Variants in THSD4 observed in about 807,000 individuals in gnomAD.
THSD4 encodes the protein thrombospondin type 1 domain containing 4.
Under a neutral mutation model 119.0 loss-of-function variants are expected in THSD4, and 69 were observed. That is an observed-to-expected ratio of 0.58 (90% CI 0.48 to 0.71). The LOEUF (loss-of-function observed/expected upper bound fraction) is 0.71. Among genes scored for constraint, THSD4 ranks in the 30% least tolerant of loss-of-function variants. The pLI, the probability that THSD4 is intolerant of heterozygous loss-of-function variation, is 0.00. For missense variants in THSD4, 1,393 were observed against 1,391.1 expected (o/e 1.00, Z -0.02); for synonymous variants, 524 against 540.4 (o/e 0.97, Z 0.42).
At chr15:71,646,681 A>G (rs1180973475) in intron 7 of THSD4, among the ~76,000 whole-genome samples, 1 of 152,224 alleles carries the variant, frequency 6.6e-6, no homozygotes, top group Non-Finnish European at 1.5e-5. Flanking sequence ...TAGGAGATAT[A>G]ATTAATAAAT....
chr15:71,375,070 C>G (rs2046112886), intron 6 of THSD4, among the ~76,000 whole-genome samples: 2 of 152,210 alleles, frequency 1.3e-5, no homozygotes, highest in African/African-American at 4.8e-5. Flanking sequence ...TTCCCCATTT[C>G]CCCCACTTCC....
chr15:71,201,437 A>G (rs1485816561), intron 3 of THSD4, among the ~76,000 whole-genome samples: 3 of 152,242 alleles, frequency 2.0e-5, no homozygotes, highest in Non-Finnish European at 4.4e-5. Flanking sequence ...TCAGACAGCT[A>G]GAAAATCCAA....
chr15:71,532,125 A>G (rs2048617800), intron 7 of THSD4, among the ~76,000 whole-genome samples: 1 of 152,190 alleles, frequency 6.6e-6, no homozygotes, highest in East Asian at 1.9e-4. Context: ...ATGAGCAGAC[A>G]TGCAACGGTG....
rs116766666 is a variant in THSD4, at chr15:71,558,645, A to G, written c.1153-101885A>G. Among the ~76,000 whole-genome samples, 827 of 152,056 alleles carry G rather than the reference A, an allele frequency of 5.4e-3. 13 individuals are homozygous for G. The highest frequency in any genetic ancestry group is 0.019 in the African/African-American group (782 of 41,488). ...CACCACATCTGGCTAATTTTTTAAA[A>G]TTTTTTGTAGAGATGGGGTCTTTCT... On this transcript the variant is annotated intron_variant, in intron 7 of 17. Coordinates refer to ENST00000261862, the MANE Select transcript of THSD4 (RefSeq NM_024817.3).
At chr15:71,152,851 G>A (rs2040737835) in intron 2 of THSD4, among the ~76,000 whole-genome samples, 1 of 152,022 alleles carries the variant, frequency 6.6e-6, no homozygotes, top group African/African-American at 2.4e-5. Context: ...ATCCACCTCC[G>A]CACCCCCAGC....
At chr15:71,292,672 A>G (rs939858165) in intron 6 of THSD4, among the ~76,000 whole-genome samples, 2 of 146,922 alleles carry the variant, frequency 1.4e-5, no homozygotes, top group Non-Finnish European at 3.0e-5. Context: ...AGAATATAAC[A>G]GGATTTTTTT....
At chr15:71,125,384 C>T (rs1455834282) in intron 1 of THSD4, among the ~76,000 whole-genome samples, 1 of 152,224 alleles carries the variant, frequency 6.6e-6, no homozygotes, top group Non-Finnish European at 1.5e-5. Context: ...TTTGCTCCCT[C>T]TTTTCCCTTT....
intron 6 of THSD4, among the ~76,000 whole-genome samples, chr15:71,285,252 A>T (rs947804000): frequency 2.0e-5 from 3 of 152,242 alleles, no homozygotes; most frequent in Non-Finnish European, 4.4e-5. Flanking sequence ...AAAGATCATT[A>T]AATGGACTCA....
At chr15:71,674,292 G>A (rs1202834679) in intron 8 of THSD4, among the ~76,000 whole-genome samples, 1 of 152,170 alleles carries the variant, frequency 6.6e-6, no homozygotes, top group Non-Finnish European at 1.5e-5. Flanking sequence ...GGTCTTTGCA[G>A]AGCTCTTATT....
chr15:71,363,208 C>T (rs1356885124), intron 6 of THSD4, among the ~76,000 whole-genome samples: 2 of 152,142 alleles, frequency 1.3e-5, no homozygotes, highest in Non-Finnish European at 2.9e-5. Flanking sequence ...GTCACAACTA[C>T]CCAACTCTGC....
At chr15:71,406,428 TC>T (rs1469086807) in intron 6 of THSD4, among the ~76,000 whole-genome samples, 9 of 152,214 alleles carry the variant, frequency 5.9e-5, no homozygotes, top group African/African-American at 2.2e-4. Flanking sequence ...TATAGATGTC[TC>T]AGTCTAATTG....
At chr15:71,505,826 A>G (rs2048177928) in intron 7 of THSD4, among the ~76,000 whole-genome samples, 1 of 152,240 alleles carries the variant, frequency 6.6e-6, no homozygotes. Context: ...GCTTAGGCTT[A>G]ATGAAGTCTA....
chr15:71,547,224 C>T, intron 7 of THSD4: 1 of 1,384,250 alleles, frequency 7.2e-7, no homozygotes, highest in Non-Finnish European at 9.3e-7. Flanking sequence ...GATCAGCTTA[C>T]CAGTTTTCTT....
intron 3 of THSD4, among the ~76,000 whole-genome samples, chr15:71,201,375 A>G (rs2043802525): frequency 6.6e-6 from 1 of 152,186 alleles, no homozygotes; most frequent in Non-Finnish European, 1.5e-5. Context: ...AAATGACTTT[A>G]TGAATGTACT....
At chr15:71,341,452 A>G (rs2045574224) in intron 6 of THSD4, 1 of 1,612,652 alleles carries the variant, frequency 6.2e-7, no homozygotes, top group Admixed American at 1.7e-5. Flanking sequence ...AGAATTCAGC[A>G]CTCTTTTTGG....
chr15:71,490,044 C>T (rs1259294600), intron 7 of THSD4, among the ~76,000 whole-genome samples: 10 of 152,042 alleles, frequency 6.6e-5, no homozygotes, highest in Non-Finnish European at 1.3e-4. Context: ...TCCACATGAG[C>T]ATTTTCCCAT....
At chr15:71,345,347 CA>C (rs1459869529) in intron 6 of THSD4, among the ~76,000 whole-genome samples, 1 of 151,962 alleles carries the variant, frequency 6.6e-6, no homozygotes, top group Non-Finnish European at 1.5e-5. Flanking sequence ...GAGTCTGATA[CA>C]GGGGCAAGGT....
chr15:71,705,890 C>T (rs2052383785), intron 8 of THSD4, among the ~76,000 whole-genome samples: 1 of 152,070 alleles, frequency 6.6e-6, no homozygotes, highest in African/African-American at 2.4e-5. Flanking sequence ...TGACGGTAAT[C>T]CAGAGTGGGG....
rs142019729 is a variant in THSD4 at position 71,148,387 on chromosome 15, G to A, written c.30-6476G>A. Among the ~76,000 whole-genome samples the A allele has an allele frequency of 3.6e-3, 545 of 152,324 alleles. 3 individuals are homozygous for A. The highest frequency in any genetic ancestry group is 4.0e-3 in the Non-Finnish European group (272 of 68,022). ...GTTCTCAAGCCGAAGGCTGCTGTGC[G>A]CCGAAGACCTCCACCTTGGGCTGCA... On this transcript the variant is annotated intron_variant, in intron 2 of 17. Coordinates refer to ENST00000261862, the MANE Select transcript of THSD4 (RefSeq NM_024817.3).
Sources: allele counts gnomAD v4.1 joint callset (sites outside exome capture counted in the v4.1 genomes callset), GRCh38; gene constraint gnomAD v4.1.1; transcripts MANE v1.5; gene names NCBI Gene and HGNC (gene_info 2026-07-23, HGNC 2026-07-21).